ATP2C2: variants seen among roughly 807,000 people sequenced by gnomAD.
ATP2C2 encodes ATPase secretory pathway Ca2+ transporting 2.
A neutral mutation model predicts 110.8 loss-of-function variants in ATP2C2; 171 were observed. The ratio of observed to expected loss-of-function variants is 1.54; its 90% CI spans 1.36 to 1.75. ATP2C2 has a LOEUF of 1.75. Among genes scored for constraint, ATP2C2 ranks in the 40% most tolerant of loss-of-function variants. The pLI is 0.00. For synonymous variants in ATP2C2, 804 were observed against 508.4 expected, an observed-to-expected ratio of 1.58 and a Z score of -7.82; for missense variants, 1,963 against 1,235.0, an observed-to-expected ratio of 1.59 and a Z score of -8.84.
intron 1 of ATP2C2, among the ~76,000 whole-genome samples, chr16:84,377,150 G>A (rs952708015): frequency 2.6e-5 from 4 of 152,134 alleles, no homozygotes; most frequent in East Asian, 1.9e-4. Context: ...AGTGGAAGCC[G>A]TGTGCTAAGT....
At chr16:84,423,021 C>G (rs77672821) in intron 9 of ATP2C2, among the ~76,000 whole-genome samples, 167 bp from the exon 10 acceptor site, 10,470 of 152,124 alleles carry the variant, frequency 0.069, 497 homozygotes, top group Non-Finnish European at 0.094. Context: ...AGCTTTCAGA[C>G]AGTAATACGC....
chr16:84,455,536 T>G (rs959850144), intron 21 of ATP2C2, among the ~76,000 whole-genome samples: 2 of 149,526 alleles, frequency 1.3e-5, no homozygotes, highest in African/African-American at 2.5e-5. Flanking sequence ...GTTTCACTTT[T>G]CTGTATTTTT....
At position 84,440,916 on chromosome 16, in the gene ATP2C2, C is replaced by G; in HGVS notation, c.1269C>G (p.Val423=). The change falls in exon 14 of 27, where the codon GTC becomes GTG. Residue 423 remains valine (V), a synonymous_variant. Transcript: ENST00000262429. The stretch of plus-strand genomic sequence containing the variant: ...TGTGTCTTCTACCATCCAAGGAAGT[C>G]ATTAAGGAATTTTCCAATGTCTCAG... The part of the protein sequence containing the change: ...GTVCLLPSKE[V]IKEFSNVSVG... 6.2e-7 allele frequency: 1 copy of G among 1,613,388 alleles called. No homozygotes were observed. The highest frequency in any genetic ancestry group is 8.5e-7 in the Non-Finnish European group (1 of 1,179,910).
chr16:84,453,490 C>T (rs888589424), intron 20 of ATP2C2, 119 bp downstream of exon 20: 3 of 1,370,070 alleles, frequency 2.2e-6, no homozygotes, highest in Non-Finnish European at 3.1e-6. Context: ...GCTTCCTTCT[C>T]TAGGTCCAGG....
rs114936907 is a variant in ATP2C2 at position 84,459,884 on chromosome 16, C to T, written c.2333+498C>T. ...ATGTCTAGAGATAAAGGGCTTGCCACTCAGTAGGTGCTCAGGAGTCCACCC... is the reference window on the plus strand; with the variant it reads ...ATGTCTAGAGATAAAGGGCTTGCCATTCAGTAGGTGCTCAGGAGTCCACCC... On this transcript the variant is annotated intron_variant, in intron 23 of 26. Transcript: ENST00000262429. 725 of 347,196 alleles carry T rather than the reference C, an allele frequency of 2.1e-3. 9 individuals carry two copies. Among genetic ancestry groups the T allele is most frequent in the African/African-American group, 0.014 (670 of 47,768 alleles). 21.5% of individuals were successfully genotyped at this position (347,196 alleles called of 1,614,324 possible).
chr16:84,441,223 A>C (rs960183784), intron 14 of ATP2C2, among the ~76,000 whole-genome samples: 1 of 152,200 alleles, frequency 6.6e-6, no homozygotes, highest in African/African-American at 2.4e-5. Context: ...ACTTGAGGCC[A>C]GGAGTTCGAG....
At chr16:84,383,004 A>G (rs1910673574) in intron 1 of ATP2C2, among the ~76,000 whole-genome samples, 1 of 152,130 alleles carries the variant, frequency 6.6e-6, no homozygotes, top group Admixed American at 6.5e-5. Flanking sequence ...GAGACAGGCA[A>G]GAGTCTACAG....
Position 84,461,754 on chromosome 16 carries a change from T to C in ATP2C2, c.2522T>C (p.Met841Thr), listed in dbSNP as rs910785078. The stretch of plus-strand genomic sequence containing the variant: ...GCAAGCACTCCCCGCACCACGACGA[T>C]GACGTTCACTTGTTTTGTGTTTTTC... ...DRASTPRTTT[M>T]TFTCFVFFDL... Residue 841 changes from methionine to threonine, a missense_variant, in exon 25 of 27, where the codon ATG becomes ACG. Transcript: ENST00000262429. 6 of 1,614,092 alleles carry C rather than the reference T, an allele frequency of 3.7e-6. No homozygotes were observed. The African/African-American group carries it at 4.0e-5, about 11-fold the overall frequency.
intron 2 of ATP2C2, among the ~76,000 whole-genome samples, chr16:84,403,771 A>C (rs989139304): frequency 1.0e-4 from 15 of 147,634 alleles, no homozygotes; most frequent in African/African-American, 3.8e-4. Context: ...GCTCACTGCA[A>C]CCTCCGCCTC....
At chr16:84,438,656 A>C (rs1362702493) in intron 11 of ATP2C2, among the ~76,000 whole-genome samples, 1 of 152,148 alleles carries the variant, frequency 6.6e-6, no homozygotes, top group Non-Finnish European at 1.5e-5. Context: ...GCAGCAGGCA[A>C]GTGTGTCGCT....
chr16:84,459,348 A>AAATAGTATGGCTTTGAAGAAGGCG lies in ATP2C2; in HGVS notation c.2295_2296insAATAGTATGGCTTTGAAGAAGGCG (p.Leu765_Trp766insAsnSerMetAlaLeuLysLysAla). On this transcript the variant is annotated inframe_insertion, in exon 23 of 27. Transcript: ENST00000262429. ...GCCCCCTCAACGCCATGCAGATCCTATGGATCAACATCATCATGGATGGGC... is the reference window on the plus strand; with the variant it reads ...GCCCCCTCAACGCCATGCAGATCCTAAATAGTATGGCTTTGAAGAAGGCGTGGATCAACATCATCATGGATGGGC... 1.2e-6 allele frequency: 2 copies of AAATAGTATGGCTTTGAAGAAGGCG among 1,614,158 alleles called. No individual in the cohort carries two copies. Among genetic ancestry groups the AAATAGTATGGCTTTGAAGAAGGCG allele is most frequent in the Non-Finnish European group, 1.7e-6 (2 of 1,180,026 alleles).
intron 23 of ATP2C2, chr16:84,460,348 G>GGC (rs1555508289): frequency 7.3e-6 from 3 of 409,490 alleles, no homozygotes; most frequent in South Asian, 5.1e-5. Context: ...GCGCAACGTT[G>GGC]GGGGGGGTCC....
At chr16:84,408,383 C>T (rs9935544) in intron 3 of ATP2C2, 22 bp from the exon 4 acceptor site, 342,224 of 1,608,236 alleles carry the variant, frequency 0.21, 40,276 homozygotes, top group African/African-American at 0.49. Flanking sequence ...GAACGTGCCC[C>T]ACCCTGTTAT....
At chr16:84,381,902 T>A (rs1211507113) in intron 1 of ATP2C2, among the ~76,000 whole-genome samples, 6 of 152,208 alleles carry the variant, frequency 3.9e-5, no homozygotes, top group Admixed American at 3.9e-4. Flanking sequence ...GTCACACAGC[T>A]CTTCATGGAA....
At position 84,448,569 on chromosome 16, in the gene ATP2C2, G is replaced by T. The variant is rs761869133; in HGVS notation, c.1540G>T (p.Glu514Ter). 1 of 1,613,574 alleles carries T rather than the reference G, an allele frequency of 6.2e-7. No individual in the cohort carries two copies. Among genetic ancestry groups the T allele is most frequent in the Non-Finnish European group, 8.5e-7 (1 of 1,179,652 alleles). The change falls in exon 17 of 27, where the codon GAA becomes TAA. Residue 514 changes from glutamate (E) to a stop codon, truncating the protein, a stop_gained. Coordinates refer to ENST00000262429, the MANE Select transcript of ATP2C2 (RefSeq NM_014861.4). LOFTEE classifies it high-confidence loss of function. ...EDIYFMKGALEEVIRYCTMYN... is the reference protein window; with the variant it reads ...EDIYFMKGAL Reference sequence around the variant, plus strand: ...CATTTACTTCATGAAAGGGGCCTTGGAAGAGGTGATCCGCTACTGCACCAT... The same window carrying T: ...CATTTACTTCATGAAAGGGGCCTTGTAAGAGGTGATCCGCTACTGCACCAT...
intron 11 of ATP2C2, among the ~76,000 whole-genome samples, chr16:84,430,182 C>G (rs755127849): frequency 5.3e-5 from 8 of 152,142 alleles, no homozygotes; most frequent in Non-Finnish European, 1.2e-4. Flanking sequence ...TGGAGGGACA[C>G]AATTCAACCC....
intron 1 of ATP2C2, among the ~76,000 whole-genome samples, chr16:84,374,430 G>C (rs1287308328): frequency 6.6e-6 from 1 of 152,134 alleles, no homozygotes; most frequent in Non-Finnish European, 1.5e-5. Flanking sequence ...CACCCCGAAA[G>C]GTCTGTGTTG....
In ATP2C2 at chr16:84,371,979, A is replaced by G. The variant is rs374575625; in HGVS notation, c.99+3265A>G. The stretch of plus-strand genomic sequence containing the variant: ...TCACTGTTTAATGCCAACGTGTCAG[A>G]GCTGGGAGAAAGACGTGATGTTTAA... On this transcript the variant is annotated intron_variant, in intron 1 of 26. Coordinates refer to ENST00000262429, the MANE Select transcript of ATP2C2 (RefSeq NM_014861.4). 2.0e-5 allele frequency among the ~76,000 whole-genome samples: 3 copies of G among 152,226 alleles called. No homozygotes were observed. The East Asian group carries it at 5.8e-4, about 29-fold the overall frequency.
intron 4 of ATP2C2, among the ~76,000 whole-genome samples, 182 bp downstream of exon 4, chr16:84,408,676 T>C (rs954515260): frequency 3.8e-4 from 58 of 152,248 alleles, no homozygotes; most frequent in African/African-American, 1.3e-3. Context: ...TGCCCTGGTT[T>C]ATTCGGCCAC....
Sources: allele counts gnomAD v4.1 joint callset (sites outside exome capture counted in the v4.1 genomes callset), GRCh38; gene constraint gnomAD v4.1.1; transcripts MANE v1.5; gene names NCBI Gene and HGNC (gene_info 2026-07-23, HGNC 2026-07-21).